Variants in CCDC3 observed in about 807,000 individuals in gnomAD.
CCDC3 encodes coiled-coil domain-containing protein 3.
A neutral mutation model predicts 21.4 loss-of-function variants in CCDC3; 24 were observed. The ratio of observed to expected loss-of-function variants is 1.12; its 90% CI spans 0.81 to 1.58. The LOEUF (loss-of-function observed/expected upper bound fraction) is 1.58. Ranked by LOEUF, CCDC3 falls within the 40% of genes most tolerant of loss-of-function variation. CCDC3 has a pLI of 0.00. For missense variants in CCDC3, 425 were observed against 360.9 expected (o/e 1.18, Z -1.44); for synonymous variants, 186 against 166.0 (o/e 1.12, Z -0.93).
In CCDC3 at chr10:12,998,514, T is replaced by C; in HGVS notation, c.375-2A>G. On this transcript the variant is annotated splice_acceptor_variant, in intron 1 of 2. Coordinates refer to ENST00000378825, the MANE Select transcript of CCDC3 (RefSeq NM_031455.4). LOFTEE classifies it high-confidence loss of function. ...AAGAGGTTATAATTTTCATCCATCCTAATGGAGGAAAAAAAGGCAGACATG... is the reference window on the plus strand; with the variant it reads ...AAGAGGTTATAATTTTCATCCATCCCAATGGAGGAAAAAAAGGCAGACATG... 6.2e-7 allele frequency: 1 copy of C among 1,613,018 alleles called. No homozygotes were observed. Among genetic ancestry groups the C allele is most frequent in the South Asian group, 1.1e-5 (1 of 90,920 alleles).
chr10:12,980,743 T>C (rs1265822486), intron 2 of CCDC3, among the ~76,000 whole-genome samples: 1 of 152,126 alleles, frequency 6.6e-6, no homozygotes, highest in Non-Finnish European at 1.5e-5. Context: ...CATTCTTCTT[T>C]GCCTAGACCC....
intron 2 of CCDC3, among the ~76,000 whole-genome samples, chr10:12,951,531 C>T (rs943091698): frequency 3.3e-5 from 5 of 152,126 alleles, no homozygotes; most frequent in Non-Finnish European, 4.4e-5. Flanking sequence ...TTTTGTGACA[C>T]TCTGTGGCTC....
chr10:13,040,771 T>C (rs1217741494), intron 5 of CCDC3, among the ~76,000 whole-genome samples: 6 of 150,706 alleles, frequency 4.0e-5, no homozygotes, highest in Admixed American at 6.6e-5. Context: ...GTAAGATAAA[T>C]TCCAGGTTAC....
chr10:12,962,408 T>A (rs1835193071), intron 2 of CCDC3, among the ~76,000 whole-genome samples: 1 of 152,080 alleles, frequency 6.6e-6, no homozygotes, highest in African/African-American at 2.4e-5. Flanking sequence ...ATCAAGACCA[T>A]CCTGGCCACC....
chr10:13,060,418 G>C (rs1254760214), intron 4 of CCDC3, among the ~76,000 whole-genome samples: 2 of 152,094 alleles, frequency 1.3e-5, no homozygotes, highest in Non-Finnish European at 2.9e-5. Context: ...TGCGTATAAA[G>C]GCCAAGGAGC....
intron 2 of CCDC3, among the ~76,000 whole-genome samples, chr10:12,991,635 T>C (rs1435545251): frequency 3.3e-5 from 5 of 152,176 alleles, no homozygotes; most frequent in Non-Finnish European, 4.4e-5. Flanking sequence ...ATCCTGGCTT[T>C]GAACACACGT....
chr10:13,037,858 C>T (rs2131415946), intron 5 of CCDC3, among the ~76,000 whole-genome samples: 1 of 152,228 alleles, frequency 6.6e-6, no homozygotes, highest in East Asian at 1.9e-4. Context: ...CTCTGCACTG[C>T]CTTAGTTGGT....
intron 2 of CCDC3, among the ~76,000 whole-genome samples, chr10:12,984,461 C>T (rs147027073): frequency 9.2e-5 from 14 of 152,248 alleles, no homozygotes; most frequent in African/African-American, 1.4e-4. Flanking sequence ...CTGGTGGGCA[C>T]GTAAAATGGT....
At chr10:12,904,865 C>A (rs922429134) in intron 2 of CCDC3, among the ~76,000 whole-genome samples, 1 of 152,034 alleles carries the variant, frequency 6.6e-6, no homozygotes, top group African/African-American at 2.4e-5. Context: ...GTGTGCCTGG[C>A]ACTGTATGGT....
At chr10:13,045,364 GGCGC>G (rs1836510057) in intron 5 of CCDC3, among the ~76,000 whole-genome samples, 1 of 152,042 alleles carries the variant, frequency 6.6e-6, no homozygotes, top group Non-Finnish European at 1.5e-5. Flanking sequence ...TTATTGGCTG[GGCGC>G]GGTGGCTCAT....
At chr10:13,093,112 T>C (rs1832594765) in intron 3 of CCDC3, among the ~76,000 whole-genome samples, 1 of 151,746 alleles carries the variant, frequency 6.6e-6, no homozygotes. Context: ...ACCAGCTGTA[T>C]TAGTCTGTTT....
chr10:13,089,019 A>AAT (rs1554766759), intron 3 of CCDC3, among the ~76,000 whole-genome samples: 27 of 151,798 alleles, frequency 1.8e-4, no homozygotes, highest in African/African-American at 6.0e-4. Flanking sequence ...AAAAAAAAAA[A>AAT]AAATAAAAGA....
intron 2 of CCDC3, among the ~76,000 whole-genome samples, chr10:12,916,826 G>A (rs1482516384): frequency 6.6e-6 from 1 of 152,244 alleles, no homozygotes; most frequent in East Asian, 1.9e-4. Context: ...GAGTAAGGCT[G>A]CAGGGGCCTG....
chr10:12,944,250 T>C (rs1589016290), intron 2 of CCDC3, among the ~76,000 whole-genome samples: 1 of 152,306 alleles, frequency 6.6e-6, no homozygotes, highest in East Asian at 1.9e-4. Flanking sequence ...CTGATACATT[T>C]TAGGGTCCAA....
At chr10:12,905,999 C>T (rs1334682196) in intron 2 of CCDC3, among the ~76,000 whole-genome samples, 4 of 152,198 alleles carry the variant, frequency 2.6e-5, no homozygotes, top group African/African-American at 7.2e-5. Context: ...CCACGTCCTC[C>T]GTAGTGCCTT....
At chr10:12,937,746 G>A (rs1294281122) in intron 2 of CCDC3, among the ~76,000 whole-genome samples, 1 of 152,216 alleles carries the variant, frequency 6.6e-6, no homozygotes, top group African/African-American at 2.4e-5. Flanking sequence ...GCATGGCTAA[G>A]AGAAAGCTGA....
In CCDC3 at chr10:13,001,527, G is replaced by C; in HGVS notation, c.44C>G (p.Pro15Arg). Residue 15 changes from proline (P) to arginine (R), a missense_variant, in exon 1 of 3, where the codon CCC (proline) becomes CGC (arginine). By Grantham distance (103) the Pro-to-Arg change is moderately radical. Coordinates refer to ENST00000378825, the MANE Select transcript of CCDC3 (RefSeq NM_031455.4). Reference sequence around the variant, plus strand: ...CTGGCAGGCGCGCGCGGGCGCTGGGGGACCCGCCAGGCAGAGCGCGGCGAG... The same window carrying C: ...CTGGCAGGCGCGCGCGGGCGCTGGGCGACCCGCCAGGCAGAGCGCGGCGAG... Reference protein sequence around the residue: ...LLLAALCLAGPPAPARACQLP... With the variant: ...LLLAALCLAGRPAPARACQLP... The C allele has an allele frequency of 1.5e-6, 2 of 1,312,998 alleles. No individual in the cohort carries two copies. The highest frequency in any genetic ancestry group is 1.9e-6 in the Non-Finnish European group (2 of 1,033,874). 81.3% of individuals were successfully genotyped at this position (1,312,998 alleles called of 1,614,324 possible). A position where few individuals can be genotyped will look rare whatever the true frequency, so the allele number is the denominator to read the frequency against.
rs543866935 is a variant in CCDC3, at chr10:12,903,245, T to C, written c.550-4566A>G. ...CATAAAATAACCAAGCCACTGCTGA[T>C]GGAGCCGATGGAGCCCTCTGGCATC... is the stretch of plus-strand genomic sequence containing the variant. On this transcript the variant is annotated intron_variant, in intron 2 of 2. Coordinates refer to ENST00000378825, the MANE Select transcript of CCDC3 (RefSeq NM_031455.4). Among the ~76,000 whole-genome samples the C allele has an allele frequency of 5.6e-4, 85 of 152,338 alleles. No individual in the cohort carries two copies. In the South Asian group the frequency reaches 0.017, roughly 30 times the overall value.
At chr10:13,063,276 A>AATCGGTAAG (rs1351745900) in intron 4 of CCDC3, among the ~76,000 whole-genome samples, 1 of 48,830 alleles carries the variant, frequency 2.0e-5, no homozygotes, top group African/African-American at 9.8e-5. Context: ...GGCAAGTTGA[A>AATCGGTAAG]CCCCTTGGGT....
Sources: allele counts gnomAD v4.1 joint callset (sites outside exome capture counted in the v4.1 genomes callset), GRCh38; gene constraint gnomAD v4.1.1; transcripts MANE v1.5; gene names NCBI Gene and HGNC (gene_info 2026-07-23, HGNC 2026-07-21).